DPP10: variants seen among roughly 807,000 people sequenced by gnomAD.
DPP10 encodes dipeptidyl peptidase like 10.
DPP10 carries 33 observed loss-of-function variants against 120.9 expected under a neutral mutation model. The ratio of observed to expected loss-of-function variants is 0.27; its 90% CI spans 0.21 to 0.37. DPP10 has a LOEUF of 0.37. Among genes scored for constraint, DPP10 ranks in the 10% least tolerant of loss-of-function variants. The pLI is 1.00. For missense variants in DPP10, 816 were observed against 942.8 expected, an observed-to-expected ratio of 0.87 and a Z score of 1.76; for synonymous variants, 337 against 326.1, an observed-to-expected ratio of 1.03 and a Z score of -0.36.
intron 3 of DPP10, among the ~76,000 whole-genome samples, chr2:115,380,908 C>G (rs1485468392): frequency 1.3e-5 from 2 of 152,202 alleles, no homozygotes; most frequent in Non-Finnish European, 2.9e-5. Context: ...TGTAGAGTTT[C>G]TGCCTAGAGA....
intron 1 of DPP10, among the ~76,000 whole-genome samples, chr2:114,962,899 T>G (rs1433581836): frequency 6.6e-6 from 1 of 152,192 alleles, no homozygotes; most frequent in Non-Finnish European, 1.5e-5. Context: ...TCCTATAACT[T>G]GTAAAATCTT....
At chr2:115,401,649 A>G (rs1237343597) in intron 3 of DPP10, among the ~76,000 whole-genome samples, 1 of 152,198 alleles carries the variant, frequency 6.6e-6, no homozygotes, top group Non-Finnish European at 1.5e-5. Context: ...TAAAAATACA[A>G]TAGTAATGGT....
chr2:115,351,259 T>G (rs183538640), intron 3 of DPP10, among the ~76,000 whole-genome samples: 1 of 152,180 alleles, frequency 6.6e-6, no homozygotes, highest in East Asian at 1.9e-4. Flanking sequence ...CCTGAGTGAA[T>G]TAATGCAGAA....
At position 115,333,880 on chromosome 2, in the gene DPP10, G is replaced by T. The variant is rs528257180; in HGVS notation, c.176-9937G>T. 2.0e-5 allele frequency among the ~76,000 whole-genome samples: 3 copies of T among 151,988 alleles called. 1 individual carries two copies. The South Asian group carries it at 6.2e-4, about 32-fold the overall frequency. ...CATTTTTTCCTTCACTTCAACTTTG[G>T]TGTATCTGACAATTATGTGTCTTAG... On this transcript the variant is annotated intron_variant, in intron 2 of 25. Transcript: ENST00000410059.
At chr2:114,571,124 C>T (rs1364082733) in intron 1 of DPP10, among the ~76,000 whole-genome samples, 2 of 151,968 alleles carry the variant, frequency 1.3e-5, no homozygotes, top group African/African-American at 4.8e-5. Context: ...GATTCGTGCC[C>T]CCACCCAAAT....
chr2:115,381,978 C>T (rs6740344), intron 3 of DPP10, among the ~76,000 whole-genome samples: 6 of 147,020 alleles, frequency 4.1e-5, no homozygotes, highest in African/African-American at 9.7e-5. Flanking sequence ...GGGACATTTA[C>T]GTCTGCAGAG....
chr2:115,143,782 C>T (rs1296385897), intron 1 of DPP10, among the ~76,000 whole-genome samples: 5 of 152,128 alleles, frequency 3.3e-5, no homozygotes, highest in East Asian at 1.9e-4. Flanking sequence ...GAAATCTCCC[C>T]GGATACCCAA....
chr2:114,544,272 A>C (rs569992760), intron 1 of DPP10, among the ~76,000 whole-genome samples: 1 of 152,340 alleles, frequency 6.6e-6, no homozygotes, highest in Admixed American at 6.5e-5. Context: ...AACTGCAGGC[A>C]TGAGCCAAAA....
chr2:115,270,066 TCACACACACACACACACA>T (rs57649162), intron 1 of DPP10, among the ~76,000 whole-genome samples: 39 of 130,642 alleles, frequency 3.0e-4, no homozygotes, highest in South Asian at 8.0e-4. Context: ...TAGGTATACT[TCACACACACACACACACA>T]CACACACACA....
intron 7 of DPP10, among the ~76,000 whole-genome samples, chr2:115,710,252 G>A (rs1340349421): frequency 1.3e-5 from 2 of 152,048 alleles, no homozygotes; most frequent in Non-Finnish European, 2.9e-5. Context: ...TTAAGTATAT[G>A]AGTAAACATA....
At chr2:114,686,973 A>G (rs920940427) in intron 1 of DPP10, among the ~76,000 whole-genome samples, 1 of 151,974 alleles carries the variant, frequency 6.6e-6, no homozygotes, top group Admixed American at 6.6e-5. Flanking sequence ...TATGTTGCTC[A>G]TTACCTTGCA....
intron 2 of DPP10, among the ~76,000 whole-genome samples, chr2:115,334,718 T>A (rs1307738170): frequency 1.3e-5 from 2 of 152,006 alleles, no homozygotes; most frequent in African/African-American, 4.8e-5. Context: ...AAATATTTTT[T>A]GTTTGTCTGA....
intron 1 of DPP10, among the ~76,000 whole-genome samples, chr2:115,154,548 G>T (rs2051769663): frequency 1.3e-5 from 2 of 151,986 alleles, no homozygotes; most frequent in South Asian, 4.1e-4. Context: ...AATATTCTGG[G>T]ACAACAGAAA....
chr2:115,001,108 T>A (rs1159666800), intron 1 of DPP10, among the ~76,000 whole-genome samples: 1 of 152,220 alleles, frequency 6.6e-6, no homozygotes, highest in Non-Finnish European at 1.5e-5. Context: ...AGAGCTAAAT[T>A]AACATTCTTT....
chr2:114,915,272 T>G (rs1448616865), intron 1 of DPP10, among the ~76,000 whole-genome samples: 5 of 152,182 alleles, frequency 3.3e-5, no homozygotes, highest in Non-Finnish European at 7.3e-5. Context: ...AGAAGAGCAT[T>G]ACATAATGAT....
At chr2:114,732,641 C>T (rs1463453198) in intron 1 of DPP10, among the ~76,000 whole-genome samples, 6 of 152,124 alleles carry the variant, frequency 3.9e-5, no homozygotes, top group Admixed American at 2.6e-4. Flanking sequence ...TTTTAGAAAA[C>T]TCATTCTTAT....
At chr2:115,149,031 T>G (rs1421829133) in intron 1 of DPP10, among the ~76,000 whole-genome samples, 4 of 152,170 alleles carry the variant, frequency 2.6e-5, no homozygotes, top group Admixed American at 1.3e-4. Flanking sequence ...ATTAATCTGT[T>G]GACAAATATG....
chr2:114,911,645 C>G (rs907622534), intron 1 of DPP10, among the ~76,000 whole-genome samples: 1 of 152,164 alleles, frequency 6.6e-6, no homozygotes, highest in Non-Finnish European at 1.5e-5. Flanking sequence ...CAAAGCTTGG[C>G]AGAAAGCAAT....
In DPP10 at chr2:115,727,799, C is replaced by A; in HGVS notation, c.577-17C>A. On this transcript the variant is annotated splice_polypyrimidine_tract_variant and intron_variant, in intron 7 of 25. Transcript: ENST00000410059. ...AACGTGTTGGATTTTTTGTTTGTTT[C>A]ACATTTCCTGATCCAGATTTATATT... is the stretch of plus-strand genomic sequence containing the variant. 1.3e-6 allele frequency: 2 copies of A among 1,570,434 alleles called. No homozygotes were observed. The highest frequency in any genetic ancestry group is 2.4e-5 in the South Asian group (2 of 83,286).
Sources: gnomAD v4.1 joint callset for allele counts (sites outside exome capture counted in the v4.1 genomes callset) on GRCh38, gnomAD v4.1.1 for gene constraint, MANE v1.5 for transcripts, NCBI Gene and HGNC (gene_info 2026-07-23, HGNC 2026-07-21) for gene names.